The following SPAG16 variants were observed in gnomAD, a reference collection of about 807,000 sequenced individuals.
The protein encoded by SPAG16 is sperm-associated antigen 16 protein.
In SPAG16, 86 loss-of-function variants were observed where a neutral mutation model predicts 80.4. That is an observed-to-expected ratio of 1.07 (90% CI 0.90 to 1.28). SPAG16 has a LOEUF of 1.28. Ranked by LOEUF, SPAG16 falls within the 50% of genes most tolerant of loss-of-function variation. SPAG16 has a pLI of 0.00. For missense variants in SPAG16, 870 were observed against 765.3 expected, an observed-to-expected ratio of 1.14 and a Z score of -1.61; for synonymous variants, 294 against 265.9, an observed-to-expected ratio of 1.11 and a Z score of -1.03.
At chr2:214,068,114 A>G (rs1029640342) in intron 13 of SPAG16, among the ~76,000 whole-genome samples, 12 of 152,170 alleles carry the variant, frequency 7.9e-5, no homozygotes, top group Admixed American at 2.0e-4. Context: ...CTAAGACATT[A>G]AAGCTAGTCA....
At chr2:213,407,596 GGAGAGAGAGAGAGA>G (rs66674310) in intron 9 of SPAG16, among the ~76,000 whole-genome samples, 256 of 102,100 alleles carry the variant, frequency 2.5e-3, no homozygotes, top group African/African-American at 8.5e-3. Flanking sequence ...GAGAGAGACA[GGAGAGAGAGAGAGA>G]GAGAGAGAGA....
At chr2:213,457,667 A>G (rs2072106707) in intron 9 of SPAG16, among the ~76,000 whole-genome samples, 1 of 152,094 alleles carries the variant, frequency 6.6e-6, no homozygotes, top group South Asian at 2.1e-4. Flanking sequence ...CATGGCATAT[A>G]CTTTTCTTCA....
At chr2:213,654,716 C>CA (rs60852712) in intron 10 of SPAG16, among the ~76,000 whole-genome samples, 8,575 of 132,670 alleles carry the variant, frequency 0.065, 815 homozygotes, top group African/African-American at 0.21. Context: ...GACTCCATCT[C>CA]AAAAAAAAAA....
chr2:213,890,015 A>T (rs1449382743), intron 11 of SPAG16, among the ~76,000 whole-genome samples: 1 of 152,026 alleles, frequency 6.6e-6, no homozygotes, highest in Non-Finnish European at 1.5e-5. Context: ...TATAATATGA[A>T]AATATTGAGA....
At chr2:214,210,301 CT>C (rs2058257204) in intron 15 of SPAG16, among the ~76,000 whole-genome samples, 1 of 151,940 alleles carries the variant, frequency 6.6e-6, no homozygotes, top group South Asian at 2.1e-4. Context: ...AATAAGTTTA[CT>C]GAAAATTTTC....
At chr2:213,354,828 A>G (rs1024660083) in intron 7 of SPAG16, among the ~76,000 whole-genome samples, 3 of 152,084 alleles carry the variant, frequency 2.0e-5, no homozygotes, top group Non-Finnish European at 4.4e-5. Flanking sequence ...GTTCACTCTG[A>G]TGGTAGTTTC....
chr2:213,478,069 C>G (rs1346910786), intron 9 of SPAG16, among the ~76,000 whole-genome samples: 1 of 152,174 alleles, frequency 6.6e-6, no homozygotes, highest in Non-Finnish European at 1.5e-5. Flanking sequence ...TGCACTCACT[C>G]TGTCCTGCTG....
intron 15 of SPAG16, among the ~76,000 whole-genome samples, chr2:214,348,227 A>G (rs1698183936): frequency 6.6e-6 from 1 of 152,220 alleles, no homozygotes; most frequent in South Asian, 2.1e-4. Flanking sequence ...GACATAATTC[A>G]GATTATGAGA....
chr2:213,559,471 C>T (rs1190886057), intron 10 of SPAG16, among the ~76,000 whole-genome samples: 1 of 152,134 alleles, frequency 6.6e-6, no homozygotes, highest in Non-Finnish European at 1.5e-5. Flanking sequence ...ACCATTTTTA[C>T]ATAAATTGCA....
intron 10 of SPAG16, among the ~76,000 whole-genome samples, chr2:213,643,037 ATGTATGTGTGTG>A (rs1442352703): frequency 1.6e-5 from 2 of 125,080 alleles, no homozygotes; most frequent in East Asian, 2.3e-4. Flanking sequence ...TCCCCTTTAT[ATGTATGTGTGTG>A]TGTATGTGTG....
rs141091140 is a variant in SPAG16, at chr2:214,165,458, G to A, written c.1720+16192G>A. ...AAATGACCCCTTTTAAAAATGCTTTGCATCACCATCCTTTTTTTTTTTTTT... is the reference window on the plus strand; with the variant it reads ...AAATGACCCCTTTTAAAAATGCTTTACATCACCATCCTTTTTTTTTTTTTT... On this transcript the variant is annotated intron_variant, in intron 15 of 15. Coordinates refer to ENST00000331683, the MANE Select transcript of SPAG16 (RefSeq NM_024532.5). 7.0e-3 allele frequency among the ~76,000 whole-genome samples: 639 copies of A among 91,304 alleles called. 2 individuals carry two copies. Among genetic ancestry groups the A allele is most frequent in the Non-Finnish European group, 9.9e-3 (481 of 48,738 alleles). 59.9% of individuals were successfully genotyped at this position (91,304 alleles called of 152,430 possible).
intron 10 of SPAG16, among the ~76,000 whole-genome samples, chr2:213,505,476 A>G (rs1344709664): frequency 6.6e-6 from 1 of 152,130 alleles, no homozygotes; most frequent in Non-Finnish European, 1.5e-5. Context: ...TGGTATTGAA[A>G]ATATTGATGA....
At chr2:213,887,945 G>A (rs1263468083) in intron 11 of SPAG16, among the ~76,000 whole-genome samples, 1 of 151,648 alleles carries the variant, frequency 6.6e-6, no homozygotes, top group Non-Finnish European at 1.5e-5. Flanking sequence ...TTTCTGTTCT[G>A]ATTTATTTTA....
At chr2:213,792,276 AATATT>A (rs1234898158) in intron 10 of SPAG16, among the ~76,000 whole-genome samples, 2 of 152,204 alleles carry the variant, frequency 1.3e-5, no homozygotes, top group Non-Finnish European at 2.9e-5. Context: ...CTGACTGTGC[AATATT>A]CCATTTGACT....
chr2:213,964,621 A>G (rs1209579991), intron 12 of SPAG16, among the ~76,000 whole-genome samples: 1 of 152,070 alleles, frequency 6.6e-6, no homozygotes. Context: ...CCTGTACATG[A>G]TAAGTCTGCT....
At chr2:213,801,826 T>A (rs1314592122) in intron 10 of SPAG16, among the ~76,000 whole-genome samples, 1 of 152,244 alleles carries the variant, frequency 6.6e-6, no homozygotes, top group Non-Finnish European at 1.5e-5. Context: ...ACTAAGTTTC[T>A]GACGATTGTT....
intron 10 of SPAG16, among the ~76,000 whole-genome samples, chr2:213,646,241 G>A (rs1339223703): frequency 1.3e-5 from 2 of 152,176 alleles, no homozygotes; most frequent in African/African-American, 4.8e-5. Flanking sequence ...TGGTTCTTGT[G>A]AAGGTGTTTC....
intron 15 of SPAG16, among the ~76,000 whole-genome samples, chr2:214,158,937 G>A (rs1389194756): frequency 6.6e-6 from 1 of 151,886 alleles, no homozygotes. Context: ...ATTTAGTGAA[G>A]ATATATGTAT....
chr2:214,143,234 G>GTTTT (rs59910884), intron 14 of SPAG16, among the ~76,000 whole-genome samples: 28 of 112,694 alleles, frequency 2.5e-4, no homozygotes, highest in African/African-American at 8.9e-4. Context: ...ATAGTTTTGG[G>GTTTT]TTTTTTTTTT....
Sources: gnomAD v4.1 joint callset for allele counts (sites outside exome capture counted in the v4.1 genomes callset) on GRCh38, gnomAD v4.1.1 for gene constraint, MANE v1.5 for transcripts, NCBI Gene and HGNC (gene_info 2026-07-23, HGNC 2026-07-21) for gene names.